COPG2: variants seen among roughly 807,000 people sequenced by gnomAD.
COPG2 encodes the protein coatomer subunit gamma-2.
Under a neutral mutation model 46.3 loss-of-function variants are expected in COPG2, and 37 were observed. That is an observed-to-expected ratio of 0.80 (90% CI 0.61 to 1.05). COPG2 has a LOEUF of 1.05. Ranked by LOEUF, COPG2 falls within the 50% of genes least tolerant of loss-of-function variation. The pLI, the probability that COPG2 is intolerant of heterozygous loss-of-function variation, is 0.00. For synonymous variants in COPG2, 159 were observed against 129.7 expected, an observed-to-expected ratio of 1.23 and a Z score of -1.53; for missense variants, 427 against 387.8, an observed-to-expected ratio of 1.10 and a Z score of -0.85.
intron 9 of COPG2, among the ~76,000 whole-genome samples, chr7:130,569,425 A>G (rs1340512246): frequency 6.6e-6 from 1 of 152,182 alleles, no homozygotes; most frequent in Non-Finnish European, 1.5e-5. Flanking sequence ...GCCACTATGA[A>G]CACCTTTATA....
intron 9 of COPG2, among the ~76,000 whole-genome samples, chr7:130,570,507 T>C (rs960687464): frequency 2.0e-5 from 3 of 152,208 alleles, no homozygotes; most frequent in Non-Finnish European, 1.5e-5. Context: ...AGGTGAAAGA[T>C]TTCTACAAGG....
chr7:130,650,792 C>T (rs1243441654), intron 5 of COPG2, among the ~76,000 whole-genome samples: 8 of 152,128 alleles, frequency 5.3e-5, no homozygotes, highest in Admixed American at 5.2e-4. Context: ...GGCTTCCTTC[C>T]CAGGACCCCT....
At chr7:130,546,547 A>G (rs1334628670) in intron 20 of COPG2, among the ~76,000 whole-genome samples, 3 of 152,178 alleles carry the variant, frequency 2.0e-5, no homozygotes, top group African/African-American at 4.8e-5. Context: ...CAGGGTGGCT[A>G]AAGAATAGAA....
chr7:130,645,296 C>A, intron 5 of COPG2: 1 of 612,812 alleles, frequency 1.6e-6, no homozygotes, highest in Non-Finnish European at 3.2e-6. Flanking sequence ...TACTCCTTCA[C>A]GACGCAATGG....
intron 7 of COPG2, 25 bp from the exon 8 acceptor site, chr7:130,612,263 G>A (rs2116505707): frequency 7.3e-7 from 1 of 1,373,166 alleles, no homozygotes; most frequent in Non-Finnish European, 9.9e-7. Flanking sequence ...AAAAAAATGA[G>A]AATAAATAAT....
chr7:130,662,401 A>C (rs2116264317), intron 4 of COPG2, among the ~76,000 whole-genome samples: 1 of 152,272 alleles, frequency 6.6e-6, no homozygotes, highest in South Asian at 2.1e-4. Flanking sequence ...TCCCAGAATT[A>C]CCTTCCCTGT....
Position 130,652,900 on chromosome 7 carries a change from T to C in COPG2, c.292A>G (p.Ile98Val), listed in dbSNP as rs782553957. ...GTGACAATTATCACATCCTCAGAGA[T>C]GGTAGCCATTTCTTTGATGGTAAGG... ...CYLTIKEMAT[I>V]SEDVIIVTSS... The change falls in exon 5 of 24, where the codon ATC (isoleucine) becomes GTC (valine). Residue 98 changes from isoleucine to valine, a missense_variant. Transcript: ENST00000425248. The C allele has an allele frequency of 1.9e-6, 3 of 1,607,476 alleles. No homozygotes were observed. The highest frequency in any genetic ancestry group is 2.7e-5 in the African/African-American group (2 of 74,838).
intron 11 of COPG2, among the ~76,000 whole-genome samples, chr7:130,561,569 T>A (rs1244264751): frequency 6.6e-6 from 1 of 152,236 alleles, no homozygotes; most frequent in Non-Finnish European, 1.5e-5. Context: ...TAGTAGTCAG[T>A]GCTCGACAAA....
chr7:130,658,015 C>T (rs1795891586), intron 4 of COPG2, among the ~76,000 whole-genome samples: 2 of 152,142 alleles, frequency 1.3e-5, no homozygotes, highest in African/African-American at 4.8e-5. Context: ...ACCATACCTA[C>T]ATATGGCCCA....
At chr7:130,518,128 A>T (rs1317688782) in intron 20 of COPG2, among the ~76,000 whole-genome samples, 1 of 152,258 alleles carries the variant, frequency 6.6e-6, no homozygotes, top group African/African-American at 2.4e-5. Flanking sequence ...GAAAATATGT[A>T]TGAGGATAAG....
intron 20 of COPG2, among the ~76,000 whole-genome samples, chr7:130,546,116 C>T (rs1260504918): frequency 6.6e-6 from 1 of 152,062 alleles, no homozygotes; most frequent in Non-Finnish European, 1.5e-5. Flanking sequence ...AAAGTAATAG[C>T]ATCCCTTAAA....
intron 9 of COPG2, among the ~76,000 whole-genome samples, chr7:130,597,394 C>T (rs1554449832): frequency 1.3e-5 from 2 of 152,190 alleles, no homozygotes; most frequent in African/African-American, 4.8e-5. Flanking sequence ...TGGAGGGGTT[C>T]TGGGCTCTCT....
At chr7:130,582,139 C>G (rs1395215456) in intron 9 of COPG2, among the ~76,000 whole-genome samples, 1 of 146,888 alleles carries the variant, frequency 6.8e-6, no homozygotes, top group Non-Finnish European at 1.5e-5. Flanking sequence ...GTACTGGTAC[C>G]AAAACAGAGA....
chr7:130,510,547 G>A (rs1293496246), intron 20 of COPG2, among the ~76,000 whole-genome samples: 1 of 152,154 alleles, frequency 6.6e-6, no homozygotes, highest in African/African-American at 2.4e-5. Context: ...CAGCAAATGA[G>A]GAGGACAAAG....
At chr7:130,629,473 C>A (rs563872937) in intron 5 of COPG2, among the ~76,000 whole-genome samples, 1 of 150,936 alleles carries the variant, frequency 6.6e-6, no homozygotes, top group East Asian at 2.0e-4. Context: ...CGGCTCACTG[C>A]AACCTCTGCC....
chr7:130,606,922 A>G (rs1794743767), intron 9 of COPG2, among the ~76,000 whole-genome samples: 1 of 152,072 alleles, frequency 6.6e-6, no homozygotes, highest in Admixed American at 6.6e-5. Flanking sequence ...TCCCCTGTTC[A>G]TTCATGGTAA....
At position 130,545,744 on chromosome 7, in the gene COPG2, T is replaced by C. The variant is rs908413505; in HGVS notation, c.2149+1930A>G. Among the ~76,000 whole-genome samples the C allele has an allele frequency of 3.9e-5, 6 of 152,136 alleles. No individual in the cohort carries two copies. The South Asian group carries it at 1.0e-3, about 26-fold the overall frequency. Reference sequence around the variant, plus strand: ...ACAAACCATCAAGCAAAAGAGTCCATAGCCAGCAGACCAAATGTTGAAATC... The same window carrying C: ...ACAAACCATCAAGCAAAAGAGTCCACAGCCAGCAGACCAAATGTTGAAATC... On this transcript the variant is annotated intron_variant, in intron 20 of 23. Transcript: ENST00000425248.
chr7:130,578,048 C>G (rs1344921620), intron 9 of COPG2, among the ~76,000 whole-genome samples: 1 of 152,264 alleles, frequency 6.6e-6, no homozygotes, highest in Non-Finnish European at 1.5e-5. Flanking sequence ...GGGGGCAGAG[C>G]ACAGACGAAC....
chr7:130,583,236 C>A (rs1166898278), intron 9 of COPG2, among the ~76,000 whole-genome samples: 199 of 150,844 alleles, frequency 1.3e-3, no homozygotes, highest in Admixed American at 2.7e-3. Context: ...TCTCAGTAAA[C>A]TATCGCAAGA....
Sources: allele counts gnomAD v4.1 joint callset (sites outside exome capture counted in the v4.1 genomes callset), GRCh38; gene constraint gnomAD v4.1.1; transcripts MANE v1.5; gene names NCBI Gene and HGNC (gene_info 2026-07-23, HGNC 2026-07-21).